WDHD1: variants seen among roughly 807,000 people sequenced by gnomAD.
WDHD1 encodes the protein WD repeat and HMG-box DNA binding protein 1.
A neutral mutation model predicts 135.4 loss-of-function variants in WDHD1; 111 were observed. The observed-to-expected ratio is 0.82, with a 90% confidence interval of 0.70 to 0.96. The LOEUF (loss-of-function observed/expected upper bound fraction) is 0.96. WDHD1 is among the 40% of genes least tolerant of loss of function. The pLI is 0.00. For synonymous variants in WDHD1, 434 were observed against 439.0 expected (o/e 0.99, Z 0.14); for missense variants, 1,351 against 1,336.3 (o/e 1.01, Z -0.17).
intron 24 of WDHD1, among the ~76,000 whole-genome samples, chr14:54,947,732 C>G (rs1020715442): frequency 6.6e-6 from 1 of 151,812 alleles, no homozygotes; most frequent in Non-Finnish European, 1.5e-5. Context: ...GCTGGGATTA[C>G]AGGCATGAGC....
At chr14:54,971,569 A>C (rs1456218834) in intron 16 of WDHD1, among the ~76,000 whole-genome samples, 1 of 152,104 alleles carries the variant, frequency 6.6e-6, no homozygotes, top group Admixed American at 6.6e-5. Flanking sequence ...CTGTTGAAAG[A>C]AACCATAGAT....
At chr14:55,003,304 GT>G (rs2042004971) in intron 7 of WDHD1, among the ~76,000 whole-genome samples, 1 of 151,960 alleles carries the variant, frequency 6.6e-6, no homozygotes, top group Non-Finnish European at 1.5e-5. Context: ...GAGCTCAGGA[GT>G]TTGAGACTAG....
At chr14:54,949,814 C>T (rs1412406629) in intron 24 of WDHD1, among the ~76,000 whole-genome samples, 1 of 152,174 alleles carries the variant, frequency 6.6e-6, no homozygotes, top group South Asian at 2.1e-4. Context: ...ACTCTATGAG[C>T]CAGAAGAGAG....
chr14:55,011,299 G>A (rs1420828261), intron 3 of WDHD1, among the ~76,000 whole-genome samples: 1 of 152,090 alleles, frequency 6.6e-6, no homozygotes, highest in Non-Finnish European at 1.5e-5. Context: ...GGAGGCCAAG[G>A]CGGGTGGATC....
intron 13 of WDHD1, 42 bp from the exon 14 acceptor site, chr14:54,987,429 G>A (rs2041711638): frequency 1.3e-6 from 2 of 1,506,648 alleles, no homozygotes; most frequent in Non-Finnish European, 1.8e-6. Context: ...ACTTTCATAT[G>A]ATATTTACAT....
Position 54,941,692 on chromosome 14 carries a change from T to G in WDHD1, c.3190-2A>C. On this transcript the variant is annotated splice_acceptor_variant, in intron 25 of 25. Transcript: ENST00000360586. LOFTEE classifies it high-confidence loss of function. ...TCCTTTGGCTTTGTTAGCCCACACC[T>G]TTGTAAAATGGCAGGAGTGAAAAGG... 2 of 1,600,136 alleles carry G rather than the reference T, an allele frequency of 1.2e-6. No homozygotes were observed. The highest frequency in any genetic ancestry group is 2.2e-5 in the East Asian group (1 of 44,720).
In WDHD1 at chr14:54,955,552, T is replaced by C. The variant is rs746547956; in HGVS notation, c.3050+9A>G. ...GGTCACTGCATGCTAAATTTCTCTA[T>C]GTACTGACCTTTGGTTTTCAGTGTT... On this transcript the variant is annotated intron_variant, in intron 24 of 25. Transcript: ENST00000360586. 7.2e-6 allele frequency: 11 copies of C among 1,534,976 alleles called. No individual in the cohort carries two copies. In the South Asian group the frequency reaches 1.0e-4, roughly 15 times the overall value.
chr14:54,953,139 C>G (rs2041090466), intron 24 of WDHD1, among the ~76,000 whole-genome samples: 2 of 152,232 alleles, frequency 1.3e-5, no homozygotes, highest in East Asian at 1.9e-4. Context: ...TCTAATTAAA[C>G]TAAAGAGCTT....
At chr14:54,995,842 T>G in intron 10 of WDHD1, 29 bp from the exon 11 acceptor site, 1 of 1,465,080 alleles carries the variant, frequency 6.8e-7, no homozygotes, top group African/African-American at 1.4e-5. Flanking sequence ...AATTATAAAG[T>G]AAAAGTGAAT....
At position 54,955,665 on chromosome 14, in the gene WDHD1, T is replaced by A. The variant is rs992824446; in HGVS notation, c.2946A>T (p.Arg982Ser). 5 of 1,584,772 alleles carry A rather than the reference T, an allele frequency of 3.2e-6. No homozygotes were observed. In the Admixed American group the frequency reaches 7.3e-5, roughly 23 times the overall value. The change falls in exon 24 of 26, where the codon AGA becomes AGT. Residue 982 changes from arginine to serine, a missense_variant. This residue lies in a region of WDHD1 where 1,330 missense variants were observed against 1,296.1 expected (regional missense o/e 1.03). Coordinates refer to ENST00000360586, the MANE Select transcript of WDHD1 (RefSeq NM_007086.4). ...QASAASYFQK[R>S]NSQTNKTEEV... The stretch of plus-strand genomic sequence containing the variant: ...CCTCAGTTTTATTAGTTTGAGAATT[T>A]CTTTTCTGGAAATAGGATGCTGCAG...
chr14:55,018,589 A>T (rs1470790143), intron 2 of WDHD1, among the ~76,000 whole-genome samples: 1 of 152,198 alleles, frequency 6.6e-6, no homozygotes, highest in East Asian at 1.9e-4. Flanking sequence ...CTATTATTGA[A>T]GAAGTGTACC....
intron 4 of WDHD1, among the ~76,000 whole-genome samples, chr14:55,009,464 C>G (rs2042128762): frequency 6.6e-6 from 1 of 150,500 alleles, no homozygotes; most frequent in Non-Finnish European, 1.5e-5. Context: ...CAGAGTTTCA[C>G]TCTTGTTGCC....
chr14:55,013,080 G>A (rs764702898), intron 3 of WDHD1, among the ~76,000 whole-genome samples: 2 of 151,388 alleles, frequency 1.3e-5, no homozygotes, highest in Non-Finnish European at 2.9e-5. Flanking sequence ...TTTTGGGGTG[G>A]TCAGGTATGG....
intron 1 of WDHD1, 100 bp downstream of exon 1, chr14:55,026,928 G>T: frequency 1.2e-6 from 1 of 835,240 alleles, no homozygotes; most frequent in Non-Finnish European, 2.0e-6. Flanking sequence ...CCCCACCCGA[G>T]TGACACCAGC....
intron 21 of WDHD1, among the ~76,000 whole-genome samples, chr14:54,959,385 C>T (rs2041211328): frequency 9.0e-6 from 1 of 111,562 alleles, no homozygotes; most frequent in African/African-American, 3.2e-5. Context: ...ATGACAGTCA[C>T]ACCCTGGCGG....
chr14:54,957,282 A>G, intron 22 of WDHD1, 78 bp from the exon 23 acceptor site: 1 of 1,479,168 alleles, frequency 6.8e-7, no homozygotes, highest in African/African-American at 1.4e-5. Context: ...TTTTCTTGAA[A>G]TTTCTGTTAA....
chr14:54,966,605 T>G lies in WDHD1; in HGVS notation c.2180A>C (p.Glu727Ala), dbSNP rs373705695. The G allele has an allele frequency of 8.1e-6, 13 of 1,602,216 alleles. No homozygotes were observed. Among genetic ancestry groups the G allele is most frequent in the Middle Eastern group, 1.7e-4 (1 of 5,912 alleles). Residue 727 changes from glutamate to alanine, a missense_variant and splice_region_variant, in exon 18 of 26, where the codon GAG (glutamate) becomes GCG (alanine). Coordinates refer to ENST00000360586, the MANE Select transcript of WDHD1 (RefSeq NM_007086.4). Reference sequence around the variant, plus strand: ...AAATATAACTGAACGCCAAAATTGCTCCTATAAAAGCAAATAAAATTGCTT... The same window carrying G: ...AAATATAACTGAACGCCAAAATTGCGCCTATAAAAGCAAATAAAATTGCTT... Reference protein sequence around the residue: ...QIATEKGQMEEQFWRSVIFHN... With the variant: ...QIATEKGQMEAQFWRSVIFHN...
At chr14:54,960,218 A>G (rs1367759218) in intron 21 of WDHD1, among the ~76,000 whole-genome samples, 1 of 152,128 alleles carries the variant, frequency 6.6e-6, no homozygotes, top group East Asian at 1.9e-4. Context: ...CCCAGGCTGG[A>G]GTGCGGTGGT....
At chr14:55,020,161 G>T (rs1266392254) in intron 2 of WDHD1, among the ~76,000 whole-genome samples, 1 of 152,174 alleles carries the variant, frequency 6.6e-6, no homozygotes, top group African/African-American at 2.4e-5. Flanking sequence ...CTCTTAAGTA[G>T]TGACTGATTA....
Sources: gnomAD v4.1 joint callset for allele counts (sites outside exome capture counted in the v4.1 genomes callset) on GRCh38, gnomAD v4.1.1 for gene constraint, gnomAD v4.1.1 regional missense constraint, MANE v1.5 for transcripts, NCBI Gene and HGNC (gene_info 2026-07-23, HGNC 2026-07-21) for gene names.